Variants in CNTNAP5 observed in about 807,000 individuals in gnomAD.
CNTNAP5 encodes contactin-associated protein-like 5.
CNTNAP5 carries 72 observed loss-of-function variants against 150.2 expected under a neutral mutation model. That is an observed-to-expected ratio of 0.48 (90% CI 0.40 to 0.58). CNTNAP5 has a LOEUF of 0.58. Ranked by LOEUF, CNTNAP5 falls within the 20% of genes least tolerant of loss-of-function variation. The pLI is 0.00. For missense variants in CNTNAP5, 1,636 were observed against 1,626.2 expected (o/e 1.01, Z -0.10); for synonymous variants, 672 against 619.8 (o/e 1.08, Z -1.25).
At chr2:124,627,137 A>G (rs1677741462) in intron 12 of CNTNAP5, among the ~76,000 whole-genome samples, 1 of 152,188 alleles carries the variant, frequency 6.6e-6, no homozygotes, top group Non-Finnish European at 1.5e-5. Context: ...CAGGTTCAGC[A>G]GACTTAATCT....
chr2:124,276,154 G>C (rs1401860695), intron 3 of CNTNAP5, among the ~76,000 whole-genome samples: 2 of 152,108 alleles, frequency 1.3e-5, no homozygotes, highest in Admixed American at 6.6e-5. Context: ...AAAGTATATG[G>C]AACAGCTTCT....
intron 3 of CNTNAP5, among the ~76,000 whole-genome samples, chr2:124,312,719 C>T (rs944011183): frequency 6.6e-6 from 1 of 152,180 alleles, no homozygotes; most frequent in Admixed American, 6.5e-5. Context: ...TACAGGCGCT[C>T]GCCACAGCAC....
intron 13 of CNTNAP5, among the ~76,000 whole-genome samples, chr2:124,735,360 A>G (rs767625941): frequency 5.9e-5 from 9 of 152,120 alleles, no homozygotes; most frequent in Admixed American, 1.3e-4. Flanking sequence ...GAGAAAAAAT[A>G]TAGAGGTTTA....
At chr2:124,464,147 G>T (rs958176231) in intron 6 of CNTNAP5, among the ~76,000 whole-genome samples, 3 of 152,124 alleles carry the variant, frequency 2.0e-5, no homozygotes, top group African/African-American at 7.2e-5. Context: ...AATTATTGGG[G>T]TTGGGTCAGA....
intron 12 of CNTNAP5, among the ~76,000 whole-genome samples, chr2:124,615,174 T>G (rs1473919108): frequency 1.3e-5 from 2 of 152,156 alleles, no homozygotes; most frequent in African/African-American, 4.8e-5. Flanking sequence ...CTGCGGCAAT[T>G]TCTTAAAATA....
At chr2:124,464,522 T>C (rs546864125) in intron 6 of CNTNAP5, among the ~76,000 whole-genome samples, 27 of 152,248 alleles carry the variant, frequency 1.8e-4, no homozygotes, top group African/African-American at 6.5e-4. Flanking sequence ...ACTACGAGCA[T>C]ATTAAAGTGA....
chr2:124,429,675 C>A (rs1692322324), intron 4 of CNTNAP5, among the ~76,000 whole-genome samples: 1 of 152,148 alleles, frequency 6.6e-6, no homozygotes, highest in Non-Finnish European at 1.5e-5. Context: ...CCGCACCCCA[C>A]CAGGCTAGTT....
At chr2:124,443,839 TGTG>T (rs1450800871) in intron 5 of CNTNAP5, among the ~76,000 whole-genome samples, 2 of 151,680 alleles carry the variant, frequency 1.3e-5, no homozygotes, top group African/African-American at 4.8e-5. Context: ...TGTGTGTGTG[TGTG>T]TGTGTGTGTG....
chr2:124,506,041 G>A (rs1503999), intron 8 of CNTNAP5, among the ~76,000 whole-genome samples: 74,394 of 152,000 alleles, frequency 0.49, 18,338 homozygotes, highest in Middle Eastern at 0.59. Flanking sequence ...AATAGTTGTC[G>A]ACCTAAAAGG....
At chr2:124,131,088 T>C (rs1683832348) in intron 1 of CNTNAP5, among the ~76,000 whole-genome samples, 1 of 152,188 alleles carries the variant, frequency 6.6e-6, no homozygotes, top group Non-Finnish European at 1.5e-5. Context: ...TTTTCATTAA[T>C]GTGAATAGCT....
At chr2:124,479,216 A>G (rs529682367) in intron 7 of CNTNAP5, among the ~76,000 whole-genome samples, 1 of 152,286 alleles carries the variant, frequency 6.6e-6, no homozygotes, top group Admixed American at 6.5e-5. Context: ...TGTGTACAGT[A>G]CCTGTAATAT....
intron 1 of CNTNAP5, among the ~76,000 whole-genome samples, chr2:124,216,994 A>G (rs113613208): frequency 0.011 from 1,659 of 152,294 alleles, 31 homozygotes; most frequent in African/African-American, 0.038. Flanking sequence ...AAACTAGTTT[A>G]CGGTCCCACC....
At chr2:124,535,245 C>T (rs1695203157) in intron 10 of CNTNAP5, among the ~76,000 whole-genome samples, 2 of 152,138 alleles carry the variant, frequency 1.3e-5, no homozygotes, top group African/African-American at 4.8e-5. Context: ...AAATGGAGGC[C>T]ACACAGAGGG....
At chr2:124,865,552 T>C in intron 20 of CNTNAP5, 116 bp downstream of exon 20, 1 of 948,780 alleles carries the variant, frequency 1.1e-6, no homozygotes, top group Non-Finnish European at 1.6e-6. Flanking sequence ...TAGTTACAAA[T>C]CACACTTGCC....
intron 2 of CNTNAP5, among the ~76,000 whole-genome samples, chr2:124,227,969 C>A (rs1470899404): frequency 1.3e-5 from 2 of 151,802 alleles, no homozygotes; most frequent in Admixed American, 6.6e-5. Flanking sequence ...TATATGAAAT[C>A]ATTTATTATG....
At chr2:124,485,204 T>C (rs1388673008) in intron 7 of CNTNAP5, among the ~76,000 whole-genome samples, 1 of 152,148 alleles carries the variant, frequency 6.6e-6, no homozygotes, top group Non-Finnish European at 1.5e-5. Flanking sequence ...AGAAATAGCA[T>C]GTGCAAAAAA....
intron 3 of CNTNAP5, among the ~76,000 whole-genome samples, chr2:124,299,757 T>C (rs1395929873): frequency 3.3e-5 from 5 of 152,202 alleles, no homozygotes; most frequent in Non-Finnish European, 5.9e-5. Context: ...ACTCTCAATG[T>C]TGAATGCAGC....
At chr2:124,416,532 T>A (rs1447962375) in intron 3 of CNTNAP5, among the ~76,000 whole-genome samples, 1 of 152,200 alleles carries the variant, frequency 6.6e-6, no homozygotes, top group Non-Finnish European at 1.5e-5. Context: ...GAACAAGATA[T>A]AAATCTGAGT....
chr2:124,359,106 T>A (rs1385624637), intron 3 of CNTNAP5, among the ~76,000 whole-genome samples: 7 of 152,098 alleles, frequency 4.6e-5, no homozygotes, highest in Non-Finnish European at 1.0e-4. Flanking sequence ...GTGTTTGTAG[T>A]ATTCTCTGAT....
Sources: gnomAD v4.1 joint callset for allele counts (sites outside exome capture counted in the v4.1 genomes callset) on GRCh38, gnomAD v4.1.1 for gene constraint, MANE v1.5 for transcripts, NCBI Gene and HGNC (gene_info 2026-07-23, HGNC 2026-07-21) for gene names.